Variants in KCND3 observed in about 807,000 individuals in gnomAD.
The protein encoded by KCND3 is potassium voltage-gated channel subfamily D member 3, also known as A-type voltage-gated potassium channel KCND3.
Under a neutral mutation model 51.1 loss-of-function variants are expected in KCND3, and 9 were observed. That is an observed-to-expected ratio of 0.18 (90% confidence interval 0.11 to 0.31). The LOEUF is 0.31. Ranked by LOEUF, KCND3 falls within the 10% of genes least tolerant of loss-of-function variation. The pLI is 1.00. For synonymous variants in KCND3, 349 were observed against 368.0 expected, an observed-to-expected ratio of 0.95 and a Z score of 0.59; for missense variants, 526 against 903.8, an observed-to-expected ratio of 0.58 and a Z score of 5.36.
intron 2 of KCND3, among the ~76,000 whole-genome samples, chr1:111,843,484 C>T (rs974426437): frequency 6.6e-6 from 1 of 152,218 alleles, no homozygotes; most frequent in Admixed American, 6.5e-5. Flanking sequence ...AAAAACAAAG[C>T]CTGACTGTTT....
intron 3 of KCND3, among the ~76,000 whole-genome samples, chr1:111,782,058 T>TC (rs772283812): frequency 6.6e-6 from 1 of 152,102 alleles, no homozygotes; most frequent in Non-Finnish European, 1.5e-5. Flanking sequence ...AGAAGGTCCC[T>TC]CCTCCTGGCT....
At chr1:111,976,714 C>T (rs1427822729) in intron 2 of KCND3, among the ~76,000 whole-genome samples, 5 of 152,164 alleles carry the variant, frequency 3.3e-5, no homozygotes, top group East Asian at 1.9e-4. Flanking sequence ...CTGGAGGTGA[C>T]GTGGGGCTGA....
chr1:111,887,445 A>G (rs1330596698), intron 2 of KCND3, among the ~76,000 whole-genome samples: 1 of 152,152 alleles, frequency 6.6e-6, no homozygotes, highest in Admixed American at 6.5e-5. Context: ...GTGAGAGAGG[A>G]GAGAAAAAAT....
At chr1:111,890,762 G>C (rs1217110431) in intron 2 of KCND3, among the ~76,000 whole-genome samples, 1 of 152,264 alleles carries the variant, frequency 6.6e-6, no homozygotes, top group East Asian at 1.9e-4. Context: ...AGCAAGGTGG[G>C]TAGACCTGGA....
At chr1:111,797,766 T>TGGAGTAAAGGGTA (rs1553238855) in intron 2 of KCND3, among the ~76,000 whole-genome samples, 1 of 152,080 alleles carries the variant, frequency 6.6e-6, no homozygotes, top group African/African-American at 2.4e-5. Flanking sequence ...GAGATGAGGC[T>TGGAGTAAAGGGTA]GGAGGGGTAG....
chr1:111,960,876 T>C (rs900669933), intron 2 of KCND3, among the ~76,000 whole-genome samples: 9 of 152,134 alleles, frequency 5.9e-5, no homozygotes, highest in African/African-American at 1.9e-4. Context: ...GAGGGAGGCC[T>C]GGGGCCATGG....
At position 111,771,320 on chromosome 1, in the gene KCND3, T is replaced by A. The variant is rs779548369; in HGVS notation, c.*4757A>T. On this transcript the variant is annotated 3_prime_UTR_variant, in exon 8 of 8. Coordinates refer to ENST00000302127, the MANE Select transcript of KCND3 (RefSeq NM_001378969.1). ...CTCCGAGGGTCATGGGTCATAACAA[T>A]GTTTTTCCTTCATCTAGTCATTTTA... is the stretch of plus-strand genomic sequence containing the variant. The A allele has an allele frequency of 6.6e-6, 1 of 152,240 alleles. No individual in the cohort carries two copies. The highest frequency in any genetic ancestry group is 2.4e-5 in the African/African-American group (1 of 41,464). 9.4% of individuals were successfully genotyped at this position (152,240 alleles called of 1,614,324 possible). A position where few individuals can be genotyped will look rare whatever the true frequency, so the allele number is the denominator to read the frequency against.
At chr1:111,810,722 T>C (rs879903436) in intron 2 of KCND3, among the ~76,000 whole-genome samples, 9 of 152,206 alleles carry the variant, frequency 5.9e-5, no homozygotes, top group Admixed American at 4.6e-4. Context: ...GGCTGTCAGC[T>C]CGAGGCTTTA....
At chr1:111,827,962 T>C (rs898265191) in intron 2 of KCND3, among the ~76,000 whole-genome samples, 4 of 152,206 alleles carry the variant, frequency 2.6e-5, no homozygotes, top group Non-Finnish European at 5.9e-5. Context: ...CTCTGAGCGC[T>C]GTTCCTGAAT....
chr1:111,808,852 C>G (rs542130135), intron 2 of KCND3, among the ~76,000 whole-genome samples: 1 of 152,342 alleles, frequency 6.6e-6, no homozygotes, highest in Admixed American at 6.5e-5. Context: ...ACTTGGAGAA[C>G]CAAGATGTGC....
At chr1:111,924,532 T>C (rs554074999) in intron 2 of KCND3, among the ~76,000 whole-genome samples, 1 of 152,088 alleles carries the variant, frequency 6.6e-6, no homozygotes, top group Non-Finnish European at 1.5e-5. Flanking sequence ...GGCTCAGGGG[T>C]TGTCCAATGG....
chr1:111,898,360 C>G (rs1428426383), intron 2 of KCND3, among the ~76,000 whole-genome samples: 1 of 152,174 alleles, frequency 6.6e-6, no homozygotes, highest in African/African-American at 2.4e-5. Context: ...TCTGCTCCCC[C>G]GTGGCTCAGC....
intron 2 of KCND3, among the ~76,000 whole-genome samples, chr1:111,972,565 C>T (rs1674402384): frequency 6.6e-6 from 1 of 152,214 alleles, no homozygotes; most frequent in African/African-American, 2.4e-5. Context: ...TTTCCCATTT[C>T]CACATATCAA....
At chr1:111,937,898 T>C (rs1672299568) in intron 2 of KCND3, among the ~76,000 whole-genome samples, 1 of 152,182 alleles carries the variant, frequency 6.6e-6, no homozygotes, top group Non-Finnish European at 1.5e-5. Context: ...TCTGCTCAGT[T>C]AGCTTTTCTA....
chr1:111,818,313 A>C (rs891253243), intron 2 of KCND3, among the ~76,000 whole-genome samples: 2 of 152,212 alleles, frequency 1.3e-5, no homozygotes, highest in Non-Finnish European at 2.9e-5. Flanking sequence ...GGAGTTCTTG[A>C]GAACAGATTC....
intron 2 of KCND3, among the ~76,000 whole-genome samples, chr1:111,872,990 AT>A (rs1266069859): frequency 6.6e-6 from 1 of 152,118 alleles, no homozygotes; most frequent in Non-Finnish European, 1.5e-5. Flanking sequence ...TGCAACCTGG[AT>A]TTTATTTTTG....
Position 111,982,942 on chromosome 1 carries a change from G to A in KCND3, c.-72-144C>T, listed in dbSNP as rs931651074. On this transcript the variant is annotated intron_variant, in intron 1 of 7. Transcript: ENST00000302127. This position sits in a 1 kb window ranked among gnomAD's most constrained non-coding sequence, Gnocchi z 8.5. Reference sequence around the variant, plus strand: ...ATAAAACTGAAATCCCCACCACAGAGAGGGGACTTGATTCTTTGCCATCCA... The same window carrying A: ...ATAAAACTGAAATCCCCACCACAGAAAGGGGACTTGATTCTTTGCCATCCA... 9 of 656,768 alleles carry A rather than the reference G, an allele frequency of 1.4e-5. No individual in the cohort carries two copies. Among genetic ancestry groups the A allele is most frequent in the Non-Finnish European group, 2.1e-5 (8 of 383,538 alleles). 40.7% of individuals were successfully genotyped at this position (656,768 alleles called of 1,614,324 possible). A position where few individuals can be genotyped will look rare whatever the true frequency, so the allele number is the denominator to read the frequency against.
intron 2 of KCND3, among the ~76,000 whole-genome samples, chr1:111,796,545 C>T (rs2101531641): frequency 6.6e-6 from 1 of 152,252 alleles, no homozygotes; most frequent in South Asian, 2.1e-4. Context: ...CCAAATACTG[C>T]CTGTTCTCAC....
At chr1:111,908,621 C>T (rs1179655257) in intron 2 of KCND3, among the ~76,000 whole-genome samples, 3 of 152,180 alleles carry the variant, frequency 2.0e-5, no homozygotes, top group African/African-American at 7.2e-5. Context: ...ACCTCCTGCC[C>T]AGACCCCCTC....
Sources: gnomAD v4.1 joint callset for allele counts (sites outside exome capture counted in the v4.1 genomes callset) on GRCh38, gnomAD v4.1.1 for gene constraint, Gnocchi (gnomAD v3.1) non-coding constraint, MANE v1.5 for transcripts, NCBI Gene and HGNC (gene_info 2026-07-23, HGNC 2026-07-21) for gene names.